Variants in LRRC57 observed in about 807,000 individuals in gnomAD.
LRRC57 encodes the protein leucine rich repeat containing 57.
Under a neutral mutation model 23.1 loss-of-function variants are expected in LRRC57, and 14 were observed. The observed-to-expected ratio is 0.61, with a 90% CI of 0.40 to 0.95. The LOEUF is 0.95. Ranked by LOEUF, LRRC57 falls within the 40% of genes least tolerant of loss-of-function variation. LRRC57 has a pLI of 0.00. For synonymous variants in LRRC57, 106 were observed against 115.2 expected (o/e 0.92, Z 0.51); for missense variants, 236 against 284.4 (o/e 0.83, Z 1.22).
At chr15:42,548,297 C>T (rs2057674721) in intron 2 of LRRC57, 53 bp from the exon 3 acceptor site, 9 of 1,613,652 alleles carry the variant, frequency 5.6e-6, no homozygotes, top group East Asian at 2.2e-5. Context: ...AAGTTCGCCG[C>T]CCCCGCCGTC....
chr15:42,544,951 G>C (rs948836216), intron 5 of LRRC57, 126 bp downstream of exon 5: 7 of 691,856 alleles, frequency 1.0e-5, no homozygotes, highest in Non-Finnish European at 1.6e-5. Context: ...CCAATGCTTT[G>C]AATCTACTTC....
chr15:42,547,671 GC>G (rs1828790724), intron 3 of LRRC57, 142 bp from the exon 4 acceptor site: 1 of 744,630 alleles, frequency 1.3e-6, no homozygotes, highest in Non-Finnish European at 2.2e-6. Flanking sequence ...TTTAGATATT[GC>G]ATTTTACCAA....
the LRRC57 span, chr15:42,532,246 AC>A: frequency 6.6e-6 from 1 of 152,084 alleles, no homozygotes; most frequent in African/African-American, 2.4e-5. Context: ...GTGTGTCACC[AC>A]GCTCGGCTAA....
chr15:42,542,227 T>A lies in LRRC57; in HGVS notation c.*1856A>T, dbSNP rs2057634079. The A allele has an allele frequency of 6.6e-6, 1 of 151,810 alleles. No homozygotes were observed. Among genetic ancestry groups the A allele is most frequent in the Non-Finnish European group, 1.5e-5 (1 of 68,042 alleles). 9.4% of individuals were successfully genotyped at this position (151,810 alleles called of 1,614,324 possible). A position where few individuals can be genotyped will look rare whatever the true frequency, so the allele number is the denominator to read the frequency against. On this transcript the variant is annotated 3_prime_UTR_variant, in exon 6 of 6. Transcript: ENST00000397130. ...CCACACCCAGCTAATTTTTGTATTTTTAGTAGAGATGGGGTATCACCACAT... is the reference window on the plus strand; with the variant it reads ...CCACACCCAGCTAATTTTTGTATTTATAGTAGAGATGGGGTATCACCACAT...
At chr15:42,536,942 C>A (rs763492095), downstream of LRRC57, among the ~76,000 whole-genome samples, 1 of 152,194 alleles carries the variant, frequency 6.6e-6, no homozygotes, top group Non-Finnish European at 1.5e-5. Context: ...CCATAATGAT[C>A]TGTGTCCCCT....
At chr15:42,547,671 G>A (rs2057667550) in intron 3 of LRRC57, 142 bp from the exon 4 acceptor site, 1 of 744,510 alleles carries the variant, frequency 1.3e-6, no homozygotes, top group Non-Finnish European at 2.2e-6. Context: ...TTTAGATATT[G>A]CATTTTACCA....
downstream of LRRC57, chr15:42,533,098 G>A (rs1215170532): frequency 1.3e-5 from 2 of 152,436 alleles, no homozygotes; most frequent in Non-Finnish European, 2.9e-5. Context: ...ATGTTTCTAT[G>A]ACTGTTATTT....
chr15:42,536,065 G>A (rs753728451), downstream of LRRC57, among the ~76,000 whole-genome samples: 4 of 152,126 alleles, frequency 2.6e-5, no homozygotes, highest in South Asian at 8.3e-4. Context: ...GTGACAGAGC[G>A]AGACCCTGTC....
Position 42,543,984 on chromosome 15 carries a change from G to T in LRRC57, c.*99C>A. On this transcript the variant is annotated 3_prime_UTR_variant, in exon 6 of 6. Coordinates refer to ENST00000397130, the MANE Select transcript of LRRC57 (RefSeq NM_153260.3). ...TCTCCTGAAGTATCATCTCCTTACT[G>T]TAGATACCCCTAACAACAACAGGAG... 2.3e-6 allele frequency: 2 copies of T among 857,910 alleles called. No homozygotes were observed. The highest frequency in any genetic ancestry group is 3.8e-6 in the Non-Finnish European group (2 of 521,178). 53.1% of individuals were successfully genotyped at this position (857,910 alleles called of 1,614,324 possible). A position where few individuals can be genotyped will look rare whatever the true frequency, so the allele number is the denominator to read the frequency against.
At chr15:42,537,212 CTCTG>C (rs2141571042), downstream of LRRC57, among the ~76,000 whole-genome samples, 2 of 146,668 alleles carry the variant, frequency 1.4e-5, no homozygotes, top group East Asian at 2.0e-4. Flanking sequence ...GATCCCATCT[CTCTG>C]TCTCTCTCTC....
chr15:42,533,534 T>C (rs1251614298), downstream of LRRC57, among the ~76,000 whole-genome samples: 1 of 152,226 alleles, frequency 6.6e-6, no homozygotes, highest in Admixed American at 6.5e-5. Flanking sequence ...GTGCTTTACC[T>C]AAATGCCTTT....
chr15:42,545,248 T>C lies in LRRC57; in HGVS notation c.507A>G (p.Ser169=). ...GGCGTGGACAGCAAGATATCTTCAC[T>C]GAGATCTGAGATATCTATTGAAAAA... ...NLNQNQISQI[S]VKISCCPRLK... is the part of the protein sequence containing the mutation. Residue 169 remains serine, a synonymous_variant, in exon 5 of 6, where the codon TCA becomes TCG. Transcript: ENST00000397130. 6 of 1,571,520 alleles carry C rather than the reference T, an allele frequency of 3.8e-6. No homozygotes were observed. Among genetic ancestry groups the C allele is most frequent in the Non-Finnish European group, 5.2e-6 (6 of 1,163,286 alleles).
At chr15:42,537,165 G>T (rs2057604159), downstream of LRRC57, among the ~76,000 whole-genome samples, 1 of 151,670 alleles carries the variant, frequency 6.6e-6, no homozygotes, top group Non-Finnish European at 1.5e-5. Flanking sequence ...GATCACTTGG[G>T]CTCAGGTGTT....
the LRRC57 span, among the ~76,000 whole-genome samples, chr15:42,530,646 A>C: frequency 3.0e-4 from 45 of 152,282 alleles, no homozygotes; most frequent in East Asian, 8.1e-3. Context: ...GTTACTCGGG[A>C]GGCTGAGGCA....
At chr15:42,544,897 A>C (rs2057651378) in intron 5 of LRRC57, among the ~76,000 whole-genome samples, 180 bp downstream of exon 5, 1 of 148,646 alleles carries the variant, frequency 6.7e-6, no homozygotes, top group Non-Finnish European at 1.5e-5. Flanking sequence ...CTTTACAATA[A>C]GCTGTCTATA....
downstream of LRRC57, among the ~76,000 whole-genome samples, chr15:42,533,412 T>C (rs772140461): frequency 1.3e-5 from 2 of 152,186 alleles, no homozygotes; most frequent in Non-Finnish European, 1.5e-5. Flanking sequence ...GAGGAAAATA[T>C]TTAAATAAAG....
chr15:42,529,672 T>C, the LRRC57 span: 3 of 1,612,974 alleles, frequency 1.9e-6, no homozygotes, highest in Non-Finnish European at 2.5e-6. Context: ...CTTCTTGTGA[T>C]AGCATAACTA....
the LRRC57 span, chr15:42,528,391 G>A: frequency 0.25 from 396,953 of 1,613,724 alleles, 55,774 homozygotes; most frequent in African/African-American, 0.6. Context: ...AACCAACAAC[G>A]GGAGCAGCCA....
chr15:42,548,431 C>T lies in LRRC57; in HGVS notation c.4G>A (p.Gly2Arg), dbSNP rs1470237502. 6.2e-7 allele frequency: 1 copy of T among 1,613,744 alleles called. No homozygotes were observed. The highest frequency in any genetic ancestry group is 2.2e-5 in the East Asian group (1 of 44,886). Residue 2 changes from glycine (G) to arginine (R), a missense_variant, in exon 2 of 6, where the codon GGA (glycine) becomes AGA (arginine). Physicochemically the swap from Gly to Arg is moderately radical, Grantham distance 125. Transcript: ENST00000397130. ...ACATGAGCGCGGAGCGCACTGTTTCCCATCCTAGCGCCGCGGCTCAGGTCC... is the reference window on the plus strand; with the variant it reads ...ACATGAGCGCGGAGCGCACTGTTTCTCATCCTAGCGCCGCGGCTCAGGTCC... M[G>R]NSALRAHVET... is the part of the protein sequence containing the mutation.
Sources: gnomAD v4.1 joint callset for allele counts (sites outside exome capture counted in the v4.1 genomes callset) on GRCh38, gnomAD v4.1.1 for gene constraint, MANE v1.5 for transcripts, NCBI Gene and HGNC (gene_info 2026-07-23, HGNC 2026-07-21) for gene names.